The following SEPTIN14 variants were observed in gnomAD, a reference collection of about 807,000 sequenced individuals.
SEPTIN14 encodes septin 14.
Under a neutral mutation model 53.6 loss-of-function variants are expected in SEPTIN14, and 40 were observed. The ratio of observed to expected loss-of-function variants is 0.75; its 90% CI spans 0.58 to 0.97. SEPTIN14 has a LOEUF of 0.97. SEPTIN14 is among the 50% of genes least tolerant of loss of function. The pLI, the probability that SEPTIN14 is intolerant of heterozygous loss-of-function variation, is 0.00. For missense variants in SEPTIN14, 471 were observed against 508.2 expected, an observed-to-expected ratio of 0.93 and a Z score of 0.70; for synonymous variants, 138 against 166.8, an observed-to-expected ratio of 0.83 and a Z score of 1.33.
rs576144632 is a variant in SEPTIN14 at position 55,809,505 on chromosome 7, G to A, written c.818-2247C>T. ...TAAGTAGCTGGGATTACAGGAGCGC[G>A]CCACCACACCTGGCTAATTTTTGTA... On this transcript the variant is annotated intron_variant, in intron 7 of 9. Coordinates refer to ENST00000388975, the MANE Select transcript of SEPTIN14 (RefSeq NM_207366.3). 1.1e-4 allele frequency among the ~76,000 whole-genome samples: 16 copies of A among 151,462 alleles called. 1 individual carries two copies. The East Asian group carries it at 2.0e-3, about 19-fold the overall frequency.
chr7:55,853,966 A>G lies in SEPTIN14; in HGVS notation c.55-7329T>C, dbSNP rs192994136. Among the ~76,000 whole-genome samples, 6 of 152,068 alleles carry G rather than the reference A, an allele frequency of 3.9e-5. No individual in the cohort carries two copies. In the East Asian group the frequency reaches 9.7e-4, roughly 25 times the overall value. On this transcript the variant is annotated intron_variant, in intron 2 of 9. Coordinates refer to ENST00000388975, the MANE Select transcript of SEPTIN14 (RefSeq NM_207366.3). ...CCTGTCTCTACTGAAAATAAAAACT[A>G]AAAAAATAGCAGAGTATGGTGGTAC...
chr7:55,833,673 A>C (rs1416522767), intron 6 of SEPTIN14, among the ~76,000 whole-genome samples: 7 of 152,060 alleles, frequency 4.6e-5, no homozygotes, highest in East Asian at 1.9e-4. Flanking sequence ...GTGCCACTGC[A>C]CTCCAGCTTG....
intron 6 of SEPTIN14, among the ~76,000 whole-genome samples, chr7:55,824,398 T>C (rs970267420): frequency 5.9e-5 from 9 of 152,196 alleles, no homozygotes; most frequent in Non-Finnish European, 1.2e-4. Flanking sequence ...ATCAACATCA[T>C]ACATCCTCAG....
intron 6 of SEPTIN14, among the ~76,000 whole-genome samples, chr7:55,833,861 C>A (rs1257376630): frequency 6.6e-6 from 1 of 151,976 alleles, no homozygotes; most frequent in Non-Finnish European, 1.5e-5. Flanking sequence ...CAACTTATTA[C>A]AGAAGTTTAT....
intron 9 of SEPTIN14, among the ~76,000 whole-genome samples, chr7:55,799,640 T>G (rs912776427): frequency 1.6e-4 from 24 of 151,550 alleles, no homozygotes; most frequent in Non-Finnish European, 2.8e-4. Flanking sequence ...AATGTTGTCA[T>G]AAGAGACAAT....
rs1253069122 is a variant in SEPTIN14, at chr7:55,795,132, G to C, written c.*781C>G. 1 of 152,124 alleles carries C rather than the reference G, an allele frequency of 6.6e-6. No individual in the cohort carries two copies. Among genetic ancestry groups the C allele is most frequent in the Non-Finnish European group, 1.5e-5 (1 of 68,028 alleles). The allele number at this position is 152,124 out of a possible 1,614,324, so 9.4% of individuals were successfully genotyped here. A position where few individuals can be genotyped will look rare whatever the true frequency, so the allele number is the denominator to read the frequency against. On this transcript the variant is annotated 3_prime_UTR_variant, in exon 10 of 10. Transcript: ENST00000388975. ...AACCTTTTATCATAAAAACTGTCAA[G>C]AAATTATCAGTAGTAGAACTTAAAA...
chr7:55,837,396 C>T (rs751513942), intron 5 of SEPTIN14, among the ~76,000 whole-genome samples: 42 of 151,998 alleles, frequency 2.8e-4, no homozygotes, highest in Non-Finnish European at 1.8e-4. Context: ...GGATTACAGG[C>T]GTGAGCCACC....
rs143001837 is a variant in SEPTIN14, at chr7:55,860,673, C to T, written c.54+1270G>A. Among the ~76,000 whole-genome samples, 541 of 152,054 alleles carry T rather than the reference C, an allele frequency of 3.6e-3. 5 individuals are homozygous for T. Among genetic ancestry groups the T allele is most frequent in the African/African-American group, 0.012 (512 of 41,476 alleles). On this transcript the variant is annotated intron_variant, in intron 2 of 9. Transcript: ENST00000388975. ...ATCAATATGTATTAATATTACATAT[C>T]ATTTAAATTTTTTAAAAAACAGAGG...
chr7:55,802,487 G>C (rs563999700), intron 9 of SEPTIN14, among the ~76,000 whole-genome samples: 3 of 152,180 alleles, frequency 2.0e-5, no homozygotes, highest in South Asian at 4.1e-4. Flanking sequence ...TGGCCAAGTG[G>C]AATTTATTCT....
chr7:55,828,480 A>G (rs1423882541), intron 6 of SEPTIN14, among the ~76,000 whole-genome samples: 1 of 151,878 alleles, frequency 6.6e-6, no homozygotes, highest in Non-Finnish European at 1.5e-5. Flanking sequence ...AATTTTTTGT[A>G]TTTTTAGTAG....
chr7:55,854,782 A>G (rs1002448357), intron 2 of SEPTIN14, among the ~76,000 whole-genome samples: 12 of 152,186 alleles, frequency 7.9e-5, no homozygotes, highest in African/African-American at 2.7e-4. Context: ...AAATATTCAA[A>G]AGAGTTTGTC....
chr7:55,859,035 C>T (rs1789697268), intron 2 of SEPTIN14, among the ~76,000 whole-genome samples: 1 of 151,666 alleles, frequency 6.6e-6, no homozygotes, highest in Admixed American at 6.6e-5. Flanking sequence ...CCTATAATCC[C>T]AGCTACTTGG....
At chr7:55,845,826 G>T (rs1280101532) in intron 3 of SEPTIN14, among the ~76,000 whole-genome samples, 1 of 150,998 alleles carries the variant, frequency 6.6e-6, no homozygotes, top group Non-Finnish European at 1.5e-5. Context: ...GAGGCGGGCG[G>T]ATCACGAGGT....
intron 6 of SEPTIN14, among the ~76,000 whole-genome samples, chr7:55,822,563 T>C (rs915796414): frequency 2.0e-5 from 3 of 151,230 alleles, no homozygotes; most frequent in Non-Finnish European, 4.4e-5. Flanking sequence ...AACAGATCAA[T>C]AGAGCAGAGC....
At chr7:55,832,276 G>GTGAATGCAGAGAATAA (rs1789122966) in intron 6 of SEPTIN14, among the ~76,000 whole-genome samples, 1 of 151,928 alleles carries the variant, frequency 6.6e-6, no homozygotes, top group Non-Finnish European at 1.5e-5. Context: ...AGATGTTGGT[G>GTGAATGCAGAGAATAA]TGAATGCAGA....
intron 6 of SEPTIN14, among the ~76,000 whole-genome samples, chr7:55,832,161 A>C (rs1267442585): frequency 6.6e-6 from 1 of 151,704 alleles, no homozygotes; most frequent in Non-Finnish European, 1.5e-5. Context: ...AGATCATACC[A>C]CTGAACTCCA....
rs199684162 is a variant in SEPTIN14 at position 55,807,223 on chromosome 7, G to A, written c.853C>T (p.Arg285Ter). 6.8e-5 allele frequency: 108 copies of A among 1,590,058 alleles called. No individual in the cohort carries two copies. Among genetic ancestry groups the A allele is most frequent in the Non-Finnish European group, 8.5e-5 (100 of 1,172,646 alleles). The change falls in exon 8 of 10, where the codon CGA (arginine) becomes TGA (stop). Residue 285 changes from arginine (R) to a stop codon, truncating the protein, a stop_gained. Coordinates refer to ENST00000388975, the MANE Select transcript of SEPTIN14 (RefSeq NM_207366.3). LOFTEE classifies it high-confidence loss of function. ...NENHCDFVKL[R>*]DMLLCTNMEN... ...ATATTGGTACAAAGAAGCATATCTC[G>A]GAGCTTAACGAAGTCACAGTGATTT...
At chr7:55,838,971 G>A (rs748427601) in intron 5 of SEPTIN14, among the ~76,000 whole-genome samples, 4 of 152,150 alleles carry the variant, frequency 2.6e-5, no homozygotes, top group African/African-American at 4.8e-5. Context: ...GTGATGAAAT[G>A]TCATGTTGAC....
chr7:55,840,126 T>TAA (rs1297159977), intron 5 of SEPTIN14, among the ~76,000 whole-genome samples: 7 of 113,746 alleles, frequency 6.2e-5, no homozygotes, highest in South Asian at 2.9e-4. Flanking sequence ...GCCTGGGCAT[T>TAA]AAAAAAAAAA....
Sources: allele counts gnomAD v4.1 joint callset (sites outside exome capture counted in the v4.1 genomes callset), GRCh38; gene constraint gnomAD v4.1.1; transcripts MANE v1.5; gene names NCBI Gene and HGNC (gene_info 2026-07-23, HGNC 2026-07-21).